The following CA10 variants were observed in gnomAD, a reference collection of about 807,000 sequenced individuals.
CA10 encodes the protein carbonic anhydrase-related protein 10.
A neutral mutation model predicts 44.2 loss-of-function variants in CA10; 14 were observed. The ratio of observed to expected loss-of-function variants is 0.32; its 90% CI spans 0.21 to 0.50. The LOEUF (loss-of-function observed/expected upper bound fraction) is 0.50. CA10 is among the 20% of genes least tolerant of loss of function. The pLI is 0.99. For synonymous variants in CA10, 159 were observed against 141.6 expected, an observed-to-expected ratio of 1.12 and a Z score of -0.87; for missense variants, 350 against 409.7, an observed-to-expected ratio of 0.85 and a Z score of 1.26.
chr17:51,672,104 A>C (rs534854501), intron 4 of CA10, among the ~76,000 whole-genome samples: 35 of 152,314 alleles, frequency 2.3e-4, no homozygotes, highest in African/African-American at 7.9e-4. Context: ...AAGTTAGTGC[A>C]TGTAAAACAC....
intron 1 of CA10, among the ~76,000 whole-genome samples, chr17:52,125,782 G>T (rs900557880): frequency 2.6e-5 from 4 of 151,418 alleles, no homozygotes; most frequent in African/African-American, 4.9e-5. Flanking sequence ...ATCTTTTCAG[G>T]TTCCATTCTT....
At chr17:51,843,607 C>CAGTGAG (rs1978371475) in intron 3 of CA10, among the ~76,000 whole-genome samples, 1 of 152,052 alleles carries the variant, frequency 6.6e-6, no homozygotes, top group Non-Finnish European at 1.5e-5. Context: ...TGAAGAAGTT[C>CAGTGAG]ATGACTCAAA....
At chr17:51,715,525 A>G (rs1468115) in intron 4 of CA10, among the ~76,000 whole-genome samples, 27,364 of 152,048 alleles carry the variant, frequency 0.18, 2,733 homozygotes, top group East Asian at 0.34. Flanking sequence ...TAATCACAAA[A>G]CAGGGAATGA....
intron 4 of CA10, among the ~76,000 whole-genome samples, chr17:51,657,511 A>G (rs1434071761): frequency 1.3e-5 from 2 of 152,192 alleles, no homozygotes; most frequent in Non-Finnish European, 2.9e-5. Flanking sequence ...TGCTTCTCCT[A>G]CCATGACTTT....
chr17:51,785,412 A>G (rs1567838734), intron 3 of CA10, among the ~76,000 whole-genome samples: 1 of 152,252 alleles, frequency 6.6e-6, no homozygotes, highest in African/African-American at 2.4e-5. Context: ...AGAAATATAA[A>G]GAGTTGCTCA....
intron 2 of CA10, among the ~76,000 whole-genome samples, chr17:52,022,419 A>G (rs1986170778): frequency 6.6e-6 from 1 of 152,042 alleles, no homozygotes; most frequent in Non-Finnish European, 1.5e-5. Context: ...CATGATAAAA[A>G]CCCTCAACAA....
intron 2 of CA10, among the ~76,000 whole-genome samples, chr17:51,961,329 T>G (rs1983885862): frequency 6.6e-6 from 1 of 152,086 alleles, no homozygotes; most frequent in Non-Finnish European, 1.5e-5. Context: ...ACTGAAAAGT[T>G]ACAGCACTAA....
chr17:51,960,982 G>A (rs1249891125), intron 2 of CA10, among the ~76,000 whole-genome samples: 1 of 152,150 alleles, frequency 6.6e-6, no homozygotes, highest in Non-Finnish European at 1.5e-5. Flanking sequence ...AGAAGATTCT[G>A]AGTTGAAAGG....
chr17:51,852,800 GTC>G (rs1372044433), intron 3 of CA10, among the ~76,000 whole-genome samples: 1 of 152,124 alleles, frequency 6.6e-6, no homozygotes, highest in Non-Finnish European at 1.5e-5. Flanking sequence ...TGGCACCTGA[GTC>G]TCTCAGCACA....
chr17:51,914,373 T>C (rs550356046), intron 3 of CA10, among the ~76,000 whole-genome samples: 35 of 152,276 alleles, frequency 2.3e-4, no homozygotes, highest in African/African-American at 8.2e-4. Context: ...GCTTCAGTGA[T>C]GACAACTATC....
At chr17:51,809,336 A>G (rs906661180) in intron 3 of CA10, among the ~76,000 whole-genome samples, 9 of 152,224 alleles carry the variant, frequency 5.9e-5, no homozygotes, top group African/African-American at 2.2e-4. Flanking sequence ...TACAAAGATA[A>G]GTAACATACC....
intron 3 of CA10, among the ~76,000 whole-genome samples, chr17:51,771,335 A>G (rs1905604899): frequency 6.6e-6 from 1 of 152,134 alleles, no homozygotes; most frequent in Non-Finnish European, 1.5e-5. Flanking sequence ...CTTGTTTTAT[A>G]GATGTGAAAA....
intron 4 of CA10, among the ~76,000 whole-genome samples, chr17:51,723,548 C>T (rs929140112): frequency 6.7e-6 from 1 of 150,046 alleles, no homozygotes; most frequent in African/African-American, 2.4e-5. Flanking sequence ...GGGAAAGACA[C>T]ACACTTTAGG....
intron 2 of CA10, among the ~76,000 whole-genome samples, chr17:52,022,493 C>T (rs898637700): frequency 1.3e-5 from 2 of 152,006 alleles, no homozygotes; most frequent in Admixed American, 6.6e-5. Context: ...CCACAGCCAA[C>T]ACCATAATGA....
In CA10 at chr17:52,083,772, C is replaced by A. The variant is rs538615413; in HGVS notation, c.62-11379G>T. 3.3e-5 allele frequency among the ~76,000 whole-genome samples: 5 copies of A among 152,260 alleles called. No homozygotes were observed. In the South Asian group the frequency reaches 6.2e-4, roughly 19 times the overall value. On this transcript the variant is annotated intron_variant, in intron 1 of 8. Coordinates refer to ENST00000451037, the MANE Select transcript of CA10 (RefSeq NM_020178.5). Reference sequence around the variant, plus strand: ...TCTTTTTTATGGCTGAGTAGTATTCCACGGTATGGATATACCCCATTTTCT... The same window carrying A: ...TCTTTTTTATGGCTGAGTAGTATTCAACGGTATGGATATACCCCATTTTCT...
chr17:51,878,022 T>C (rs1980157287), intron 3 of CA10, among the ~76,000 whole-genome samples: 3 of 151,204 alleles, frequency 2.0e-5, no homozygotes, highest in South Asian at 4.2e-4. Flanking sequence ...CACACGTATG[T>C]AGTCCCAGCT....
At chr17:51,973,598 G>A (rs934883208) in intron 2 of CA10, among the ~76,000 whole-genome samples, 4 of 152,160 alleles carry the variant, frequency 2.6e-5, no homozygotes, top group Non-Finnish European at 5.9e-5. Context: ...CTTTCCTAAT[G>A]CCTCAAGCAT....
chr17:51,904,623 G>A (rs1371918067), intron 3 of CA10, among the ~76,000 whole-genome samples: 2 of 152,098 alleles, frequency 1.3e-5, no homozygotes, highest in Admixed American at 6.6e-5. Context: ...ATAAAAATAT[G>A]CATTTGGAAA....
intron 3 of CA10, among the ~76,000 whole-genome samples, chr17:51,828,568 T>G (rs1013995171): frequency 9.8e-5 from 15 of 152,324 alleles, no homozygotes; most frequent in African/African-American, 2.9e-4. Context: ...TAGGACTTAT[T>G]ATAGCCAAAA....
Sources: gnomAD v4.1 joint callset for allele counts (sites outside exome capture counted in the v4.1 genomes callset) on GRCh38, gnomAD v4.1.1 for gene constraint, MANE v1.5 for transcripts, NCBI Gene and HGNC (gene_info 2026-07-23, HGNC 2026-07-21) for gene names.